HADHB: variants seen among roughly 807,000 people sequenced by gnomAD.
HADHB encodes the protein hydroxyacyl-CoA dehydrogenase trifunctional multienzyme complex subunit beta.
HADHB carries 50 observed loss-of-function variants against 61.9 expected under a neutral mutation model. The observed-to-expected ratio is 0.81, with a 90% CI of 0.64 to 1.02. The LOEUF (loss-of-function observed/expected upper bound fraction) is 1.02, where lower values mean the gene tolerates loss of function less well. HADHB is among the 50% of genes least tolerant of loss of function. The pLI is 0.00. For synonymous variants in HADHB, 191 were observed against 201.6 expected, an observed-to-expected ratio of 0.95 and a Z score of 0.45; for missense variants, 504 against 586.5, an observed-to-expected ratio of 0.86 and a Z score of 1.45.
At chr2:26,266,596 T>C (rs1672086413) in intron 4 of HADHB, among the ~76,000 whole-genome samples, 1 of 151,736 alleles carries the variant, frequency 6.6e-6, no homozygotes, top group Non-Finnish European at 1.5e-5. Context: ...AAATGATAAG[T>C]TGGCTGGGCG....
intron 9 of HADHB, 108 bp downstream of exon 9, chr2:26,279,423 G>A: frequency 2.5e-6 from 2 of 804,478 alleles, no homozygotes; most frequent in South Asian, 1.4e-5. Flanking sequence ...TGTTTCCAAA[G>A]TATTCAGCCT....
intron 10 of HADHB, among the ~76,000 whole-genome samples, chr2:26,282,500 C>G (rs1294922808): frequency 6.6e-6 from 1 of 152,074 alleles, no homozygotes; most frequent in Non-Finnish European, 1.5e-5. Flanking sequence ...GCCTCATGAT[C>G]TGCCCGCCTC....
At chr2:26,246,131 C>G (rs1346203227) in intron 1 of HADHB, among the ~76,000 whole-genome samples, 1 of 152,176 alleles carries the variant, frequency 6.6e-6, no homozygotes, top group African/African-American at 2.4e-5. Context: ...AAAAAGGATT[C>G]TTGATAATCT....
intron 1 of HADHB, among the ~76,000 whole-genome samples, chr2:26,248,120 A>G (rs1452918806): frequency 6.6e-6 from 1 of 152,132 alleles, no homozygotes; most frequent in Non-Finnish European, 1.5e-5. Context: ...CCTATTTTCC[A>G]GTTATTCTAA....
In HADHB at chr2:26,277,233, CT is replaced by C. The variant is rs34696184; in HGVS notation, c.442+95del. 64,332 of 432,692 alleles carry C rather than the reference CT, an allele frequency of 0.15. 863 individuals carry two copies. The highest frequency in any genetic ancestry group is 0.23 in the African/African-American group (9,317 of 39,676). The allele number at this position is 432,692 out of a possible 1,614,324, so 26.8% of individuals were successfully genotyped here. A position where few individuals can be genotyped will look rare whatever the true frequency, so the allele number is the denominator to read the frequency against. On this transcript the variant is annotated intron_variant, in intron 7 of 15. Transcript: ENST00000317799. The stretch of plus-strand genomic sequence containing the variant: ...TCTTTTACTTGATTATAAAAATGTA[CT>C]TTTTTTTTTTTTTTTTTTTTTAACA...
In HADHB at chr2:26,288,312, C is replaced by G. The variant is rs573374838; in HGVS notation, c.1390-1606C>G. On this transcript the variant is annotated intron_variant, in intron 15 of 15. Coordinates refer to ENST00000317799, the MANE Select transcript of HADHB (RefSeq NM_000183.3). ...TAAATAAAAAATAAAATAAGCAAGCCAGAGAGGAGTAGTCTACCTTATTAT... is the reference window on the plus strand; with the variant it reads ...TAAATAAAAAATAAAATAAGCAAGCGAGAGAGGAGTAGTCTACCTTATTAT... 1.3e-4 allele frequency among the ~76,000 whole-genome samples: 20 copies of G among 152,012 alleles called. 1 individual carries two copies. In the South Asian group the frequency reaches 3.7e-3, roughly 28 times the overall value.
intron 5 of HADHB, among the ~76,000 whole-genome samples, chr2:26,270,878 C>CTT (rs1272001120): frequency 5.5e-4 from 70 of 128,164 alleles, no homozygotes; most frequent in South Asian, 7.5e-4. Context: ...TCTTCTGTAG[C>CTT]TTTTTTTTTT....
intron 14 of HADHB, 55 bp from the exon 15 acceptor site, chr2:26,285,352 T>C: frequency 6.7e-7 from 1 of 1,493,876 alleles, no homozygotes; most frequent in South Asian, 1.1e-5. Flanking sequence ...AGAGCCTAGC[T>C]TGATTCTGAT....
chr2:26,270,487 A>G (rs973569716), intron 5 of HADHB, among the ~76,000 whole-genome samples: 3 of 152,176 alleles, frequency 2.0e-5, no homozygotes, highest in African/African-American at 4.8e-5. Flanking sequence ...TGTGTCTTCA[A>G]CCAGCCACAG....
chr2:26,269,739 C>G (rs1672261464), intron 4 of HADHB, among the ~76,000 whole-genome samples: 7 of 152,192 alleles, frequency 4.6e-5, no homozygotes, highest in Admixed American at 4.6e-4. Flanking sequence ...TCTTAGCAAG[C>G]TCAGGAGGAG....
At chr2:26,250,294 G>A (rs1275468683) in intron 1 of HADHB, among the ~76,000 whole-genome samples, 1 of 152,158 alleles carries the variant, frequency 6.6e-6, no homozygotes, top group Non-Finnish European at 1.5e-5. Context: ...ATGAGCCACT[G>A]CGCCTGGCCT....
At chr2:26,287,788 T>TG (rs1223331380) in intron 15 of HADHB, among the ~76,000 whole-genome samples, 1 of 152,166 alleles carries the variant, frequency 6.6e-6, no homozygotes, top group Admixed American at 6.5e-5. Context: ...TTCTTTGTTT[T>TG]GGGGGGCTGT....
At position 26,253,857 on chromosome 2, in the gene HADHB, A is replaced by AT. The variant is rs1553318179; in HGVS notation, c.-8-390_-8-389insT. 1.8e-3 allele frequency among the ~76,000 whole-genome samples: 229 copies of AT among 125,632 alleles called. 1 individual carries two copies. Among genetic ancestry groups the AT allele is most frequent in the Middle Eastern group, 8.0e-3 (2 of 250 alleles). The allele number at this position is 125,632 out of a possible 152,430, so 82.4% of individuals were successfully genotyped here. ...AACAAGAGCAAAACTCCATCTCAAA[A>AT]AAATAAATAAATAAATAAATAAATA... On this transcript the variant is annotated intron_variant, in intron 1 of 15. Transcript: ENST00000317799.
At chr2:26,276,925 T>G (rs1046405010) in intron 6 of HADHB, 148 bp from the exon 7 acceptor site, 14 of 644,388 alleles carry the variant, frequency 2.2e-5, no homozygotes, top group Non-Finnish European at 2.9e-5. Flanking sequence ...ACCATTTCTG[T>G]GATGGACTTC....
intron 5 of HADHB, among the ~76,000 whole-genome samples, chr2:26,272,537 C>T (rs1483841825): frequency 2.0e-5 from 3 of 151,418 alleles, no homozygotes; most frequent in Non-Finnish European, 4.4e-5. Context: ...TTAGTAGAGA[C>T]GGGGTTTTGC....
chr2:26,271,899 C>A (rs1672362589), intron 5 of HADHB, among the ~76,000 whole-genome samples: 1 of 150,502 alleles, frequency 6.6e-6, no homozygotes, highest in Non-Finnish European at 1.5e-5. Context: ...GACTTTGTCT[C>A]AAAAAAAAAA....
chr2:26,262,323 A>G (rs1465261197), intron 3 of HADHB, among the ~76,000 whole-genome samples: 1 of 152,236 alleles, frequency 6.6e-6, no homozygotes, highest in Non-Finnish European at 1.5e-5. Flanking sequence ...ATATACTAAC[A>G]TGGAATGTTC....
chr2:26,272,541 G>A (rs993994940), intron 5 of HADHB, among the ~76,000 whole-genome samples: 3 of 151,610 alleles, frequency 2.0e-5, no homozygotes, highest in Non-Finnish European at 4.4e-5. Context: ...TAGAGACGGG[G>A]TTTTGCTGTG....
chr2:26,279,349 A>T (rs1314763250), intron 9 of HADHB, 34 bp downstream of exon 9: 2 of 1,450,158 alleles, frequency 1.4e-6, no homozygotes, highest in African/African-American at 1.4e-5. Context: ...CTTATTAGGG[A>T]GTTCTGAATT....
Sources: allele counts gnomAD v4.1 joint callset (sites outside exome capture counted in the v4.1 genomes callset), GRCh38; gene constraint gnomAD v4.1.1; transcripts MANE v1.5; gene names NCBI Gene and HGNC (gene_info 2026-07-23, HGNC 2026-07-21).